Variants in CTNS observed in about 807,000 individuals in gnomAD.
CTNS encodes cystinosin, lysosomal cystine transporter.
Under a neutral mutation model 43.7 loss-of-function variants are expected in CTNS, and 27 were observed. The observed-to-expected ratio is 0.62, with a 90% CI of 0.46 to 0.85. The LOEUF is 0.85. CTNS is among the 40% of genes least tolerant of loss of function. The pLI is 0.00. For synonymous variants in CTNS, 187 were observed against 190.6 expected (o/e 0.98, Z 0.16); for missense variants, 457 against 475.4 (o/e 0.96, Z 0.36).
chr17:3,657,863 C>T, intron 9 of CTNS, 142 bp from the exon 10 acceptor site: 1 of 853,048 alleles, frequency 1.2e-6, no homozygotes, highest in Non-Finnish European at 1.9e-6. Flanking sequence ...CCCAGTGCAG[C>T]CCCCACCTTG....
chr17:3,639,393 C>T (rs1416660498), intron 2 of CTNS, among the ~76,000 whole-genome samples: 1 of 152,128 alleles, frequency 6.6e-6, no homozygotes, highest in African/African-American at 2.4e-5. Flanking sequence ...TCTTGACAGG[C>T]GCGGTGGCTC....
rs552587002 is a variant in CTNS, at chr17:3,649,831, A to G, written c.225+900A>G. 7.4e-4 allele frequency among the ~76,000 whole-genome samples: 113 copies of G among 152,336 alleles called. 1 individual carries two copies. Among genetic ancestry groups the G allele is most frequent in the African/African-American group, 2.7e-3 (112 of 41,580 alleles). ...AGCATCCACAGAGGAGGTGGCAAAT[A>G]AGGGTTTAAATAACAAGATGAACGC... On this transcript the variant is annotated intron_variant, in intron 5 of 11. Transcript: ENST00000046640.
rs1489598013 is a variant in CTNS at position 3,661,017 on chromosome 17, A to C, written c.*648A>C. 6 of 499,924 alleles carry C rather than the reference A, an allele frequency of 1.2e-5. No homozygotes were observed. The highest frequency in any genetic ancestry group is 2.2e-5 in the Non-Finnish European group (6 of 274,278). The allele number at this position is 499,924 out of a possible 1,614,324, so 31.0% of individuals were successfully genotyped here. On this transcript the variant is annotated 3_prime_UTR_variant, in exon 12 of 12. Transcript: ENST00000046640. ...GAATTGGATTCATGCCCAGCGCATT[A>C]GCATAGTAACTCCTTTCAGATTTTT... is the stretch of plus-strand genomic sequence containing the variant.
rs2076094086 is a variant in CTNS at position 3,655,061 on chromosome 17, C to A, written c.289C>A (p.Leu97Ile). The A allele has an allele frequency of 6.2e-7, 1 of 1,614,144 alleles. No individual in the cohort carries two copies. The highest frequency in any genetic ancestry group is 1.1e-5 in the South Asian group (1 of 91,090). Reference protein sequence around the residue: ...FQVTSQNVGQLTVYLHGNHSN... With the variant: ...FQVTSQNVGQITVYLHGNHSN... ...AGTGACATCTCAAAATGTTGGACAA[C>A]TTACTGTTTATCTACATGGAAATCA... The change falls in exon 6 of 12, where the codon CTT becomes ATT. Residue 97 changes from leucine to isoleucine, a missense_variant. Coordinates refer to ENST00000046640, the MANE Select transcript of CTNS (RefSeq NM_004937.3).
In CTNS at chr17:3,662,039, G is replaced by A. The variant is rs901905337; in HGVS notation, c.*1670G>A. 2.6e-5 allele frequency among the ~76,000 whole-genome samples: 4 copies of A among 152,132 alleles called. No individual in the cohort carries two copies. Among genetic ancestry groups the A allele is most frequent in the Admixed American group, 6.5e-5 (1 of 15,272 alleles). On this transcript the variant is annotated 3_prime_UTR_variant, in exon 12 of 12. Coordinates refer to ENST00000046640, the MANE Select transcript of CTNS (RefSeq NM_004937.3). ...ATGATTGACTTTTCCGGCTGAGTGC[G>A]GTGGCTCACGCCTGTAATCCCAGCA... is the stretch of plus-strand genomic sequence containing the variant.
chr17:3,654,324 T>A (rs1255723640), intron 5 of CTNS, among the ~76,000 whole-genome samples: 1 of 152,096 alleles, frequency 6.6e-6, no homozygotes, highest in Non-Finnish European at 1.5e-5. Context: ...CATCCCTCCT[T>A]CCCTCAGAGA....
Position 3,660,578 on chromosome 17 carries a change from G to A in CTNS, c.*209G>A, listed in dbSNP as rs2076260780. On this transcript the variant is annotated 3_prime_UTR_variant, in exon 12 of 12. Transcript: ENST00000046640. ...CCTGGGCCTCCCCGGCCAGGCACGT[G>A]GCACCGTCGCCTTGACACCGCCATC... The A allele has an allele frequency of 1.9e-6, 3 of 1,613,070 alleles. No individual in the cohort carries two copies. In the South Asian group the frequency reaches 3.3e-5, roughly 18 times the overall value.
At chr17:3,640,494 T>G (rs1346085682) in intron 3 of CTNS, among the ~76,000 whole-genome samples, 1 of 152,266 alleles carries the variant, frequency 6.6e-6, no homozygotes, top group Non-Finnish European at 1.5e-5. Flanking sequence ...TCTGCCCTGG[T>G]ATCTCTGTAC....
intron 3 of CTNS, among the ~76,000 whole-genome samples, chr17:3,642,937 T>C (rs558639): frequency 0.99 from 150,027 of 152,248 alleles, 73,957 homozygotes; most frequent in Non-Finnish European, 1. Flanking sequence ...GTTTGAATCT[T>C]GCCCTCACCA....
At chr17:3,653,039 C>T (rs1186939767) in intron 5 of CTNS, among the ~76,000 whole-genome samples, 15 of 152,174 alleles carry the variant, frequency 9.9e-5, no homozygotes, top group African/African-American at 1.9e-4. Flanking sequence ...GCGGGAGGAT[C>T]GCTTGAGCCC....
chr17:3,638,768 G>A (rs1001872247), intron 2 of CTNS, among the ~76,000 whole-genome samples: 2 of 152,186 alleles, frequency 1.3e-5, no homozygotes, highest in African/African-American at 2.4e-5. Flanking sequence ...CAGGGCAGGT[G>A]TGAGGAGCGG....
At chr17:3,642,142 C>CGT (rs75793503) in intron 3 of CTNS, among the ~76,000 whole-genome samples, 24,448 of 146,206 alleles carry the variant, frequency 0.17, 3,797 homozygotes, top group African/African-American at 0.42. Flanking sequence ...TGTGCCCGGG[C>CGT]GTGTGTGTGT....
chr17:3,656,615 C>G, intron 8 of CTNS, 29 bp downstream of exon 8: 1 of 1,612,636 alleles, frequency 6.2e-7, no homozygotes, highest in African/African-American at 1.3e-5. Flanking sequence ...TACATCTCTG[C>G]CCACATGGCG....
At chr17:3,659,252 C>T (rs2076228282) in intron 10 of CTNS, among the ~76,000 whole-genome samples, 1 of 152,124 alleles carries the variant, frequency 6.6e-6, no homozygotes, top group Non-Finnish European at 1.5e-5. Context: ...CATGGGAGGA[C>T]GTGGGGCACA....
rs764538705 is a variant in CTNS, at chr17:3,658,005, C to T, written c.682C>T (p.Arg228Cys). ...ATCTCTGCCCTCCTCTCGCCCCCAGCGCGGTGGCCAGCGCGTGTCCTGGCC... is the reference window on the plus strand; with the variant it reads ...ATCTCTGCCCTCCTCTCGCCCCCAGTGCGGTGGCCAGCGCGTGTCCTGGCC... ...IIIVQCCLYE[R>C]GGQRVSWPAI... Residue 228 changes from arginine to cysteine, a missense_variant and splice_region_variant, in exon 10 of 12, where the codon CGC becomes TGC. Physicochemically the swap from Arg to Cys is radical, Grantham distance 180 (BLOSUM62 -3). Coordinates refer to ENST00000046640, the MANE Select transcript of CTNS (RefSeq NM_004937.3). 4 of 1,608,788 alleles carry T rather than the reference C, an allele frequency of 2.5e-6. No homozygotes were observed. Among genetic ancestry groups the T allele is most frequent in the East Asian group, 2.2e-5 (1 of 44,878 alleles).
chr17:3,644,221 A>G (rs933189076), intron 3 of CTNS, among the ~76,000 whole-genome samples: 1 of 152,208 alleles, frequency 6.6e-6, no homozygotes, highest in African/African-American at 2.4e-5. Context: ...ACCATGACTC[A>G]TTCAGATAGG....
At chr17:3,655,161 G>C in intron 6 of CTNS, 60 bp downstream of exon 6, 2 of 1,613,996 alleles carry the variant, frequency 1.2e-6, no homozygotes, top group Non-Finnish European at 1.7e-6. Flanking sequence ...TGCTGGGCAC[G>C]TGGGAGTCTC....
rs2075651249 is a variant in CTNS at position 3,640,223 on chromosome 17, T to C, written c.17T>C (p.Leu6Pro). ...TCGAGAAACATGATAAGGAATTGGCTGACTATTTTTATCCTTTTTCCCCTG... is the reference window on the plus strand; with the variant it reads ...TCGAGAAACATGATAAGGAATTGGCCGACTATTTTTATCCTTTTTCCCCTG... MIRNW[L>P]TIFILFPLKL... The change falls in exon 3 of 12, where the codon CTG (leucine) becomes CCG (proline). Residue 6 changes from leucine (L) to proline (P), a missense_variant. By Grantham distance (98) the Leu-to-Pro change is moderately conservative. Transcript: ENST00000046640. 5 of 1,613,974 alleles carry C rather than the reference T, an allele frequency of 3.1e-6. No individual in the cohort carries two copies. The highest frequency in any genetic ancestry group is 4.2e-6 in the Non-Finnish European group (5 of 1,179,832).
chr17:3,641,380 ATATATTTTTT>A (rs2075696775), intron 3 of CTNS, among the ~76,000 whole-genome samples: 2 of 38,200 alleles, frequency 5.2e-5, no homozygotes, highest in South Asian at 1.1e-3. Flanking sequence ...ATATATATAT[ATATATTTTTT>A]TTTTTTTTTT....
Sources: allele counts gnomAD v4.1 joint callset (sites outside exome capture counted in the v4.1 genomes callset), GRCh38; gene constraint gnomAD v4.1.1; transcripts MANE v1.5; gene names NCBI Gene and HGNC (gene_info 2026-07-23, HGNC 2026-07-21).